The following PCBP3 variants were observed in gnomAD, a reference collection of about 807,000 sequenced individuals.
PCBP3 encodes the protein poly(rC) binding protein 3.
Under a neutral mutation model 52.7 loss-of-function variants are expected in PCBP3, and 25 were observed. The ratio of observed to expected loss-of-function variants is 0.47; its 90% CI spans 0.35 to 0.66. The LOEUF is 0.66. Among genes scored for constraint, PCBP3 ranks in the 30% least tolerant of loss-of-function variants. The pLI is 0.01. For synonymous variants in PCBP3, 162 were observed against 183.0 expected, an observed-to-expected ratio of 0.89 and a Z score of 0.93; for missense variants, 391 against 490.3, an observed-to-expected ratio of 0.80 and a Z score of 1.91.
intron 4 of PCBP3, among the ~76,000 whole-genome samples, chr21:45,796,199 A>T (rs1442316951): frequency 6.6e-6 from 1 of 152,194 alleles, no homozygotes; most frequent in Non-Finnish European, 1.5e-5. Flanking sequence ...AAGTCATCTG[A>T]TGAGCTCAGC....
At chr21:45,709,895 A>C (rs1181354511) in intron 2 of PCBP3, among the ~76,000 whole-genome samples, 1 of 152,074 alleles carries the variant, frequency 6.6e-6, no homozygotes, top group Non-Finnish European at 1.5e-5. Context: ...GATGACTTTG[A>C]CAATTTTGAG....
At chr21:45,938,845 TAGGTCTCCTC>T (rs909019860) in intron 16 of PCBP3, among the ~76,000 whole-genome samples, 1 of 152,164 alleles carries the variant, frequency 6.6e-6, no homozygotes, top group Non-Finnish European at 1.5e-5. Flanking sequence ...TGAGACACCA[TAGGTCTCCTC>T]AGGGACAAGG....
At chr21:45,869,942 T>C (rs370051950) in intron 5 of PCBP3, among the ~76,000 whole-genome samples, 8 of 152,258 alleles carry the variant, frequency 5.3e-5, no homozygotes, top group African/African-American at 1.9e-4. Context: ...CACACTGTGC[T>C]TAGCTTTTTA....
chr21:45,893,465 G>A (rs956686129), intron 5 of PCBP3, among the ~76,000 whole-genome samples: 10 of 143,114 alleles, frequency 7.0e-5, no homozygotes, highest in African/African-American at 2.7e-4. Context: ...TGAAATCCCC[G>A]TGGCCACAGC....
At chr21:45,850,745 C>G (rs1387367478) in intron 5 of PCBP3, among the ~76,000 whole-genome samples, 3 of 152,218 alleles carry the variant, frequency 2.0e-5, no homozygotes, top group South Asian at 2.1e-4. Flanking sequence ...ACTTTCTAAG[C>G]ATACAGAGAG....
chr21:45,654,012 T>C (rs964318822), intron 1 of PCBP3, among the ~76,000 whole-genome samples: 4 of 152,196 alleles, frequency 2.6e-5, no homozygotes, highest in Non-Finnish European at 5.9e-5. Flanking sequence ...ACTTGAACTC[T>C]ATGACCCCCC....
intron 4 of PCBP3, among the ~76,000 whole-genome samples, chr21:45,813,723 C>T (rs112276546): frequency 0.012 from 1,851 of 152,310 alleles, 58 homozygotes; most frequent in African/African-American, 0.042. Context: ...GTATTGCAAG[C>T]GTGAGCCACC....
chr21:45,879,833 G>A (rs185307480), intron 5 of PCBP3, among the ~76,000 whole-genome samples: 1 of 151,900 alleles, frequency 6.6e-6, no homozygotes, highest in African/African-American at 2.4e-5. Context: ...TAGCATGACA[G>A]CATCCATTAG....
intron 15 of PCBP3, among the ~76,000 whole-genome samples, chr21:45,932,112 C>T (rs913162989): frequency 3.3e-5 from 5 of 151,630 alleles, no homozygotes; most frequent in African/African-American, 1.2e-4. Flanking sequence ...AACACATTGG[C>T]CATGCTGTCC....
At chr21:45,909,072 C>T (rs1360875678) in intron 9 of PCBP3, among the ~76,000 whole-genome samples, 1 of 152,122 alleles carries the variant, frequency 6.6e-6, no homozygotes, top group African/African-American at 2.4e-5. Context: ...TGTCCACACC[C>T]CCTTCCCACC....
intron 4 of PCBP3, among the ~76,000 whole-genome samples, chr21:45,778,534 A>T (rs2090414690): frequency 6.6e-6 from 1 of 152,112 alleles, no homozygotes; most frequent in Non-Finnish European, 1.5e-5. Context: ...TAGGCAATGT[A>T]CATTTATGTT....
chr21:45,760,391 C>T (rs993622972), intron 4 of PCBP3: 2 of 152,186 alleles, frequency 1.3e-5, no homozygotes, highest in African/African-American at 4.8e-5. Context: ...AGGTTGTCTT[C>T]TATGGAAAGT....
At chr21:45,716,566 CTCT>C (rs1433186088) in intron 2 of PCBP3, among the ~76,000 whole-genome samples, 4 of 152,116 alleles carry the variant, frequency 2.6e-5, no homozygotes, top group Admixed American at 6.5e-5. Flanking sequence ...GATACCAGTC[CTCT>C]TCTTGTAAGG....
intron 2 of PCBP3, among the ~76,000 whole-genome samples, chr21:45,686,766 T>TAA (rs2147687468): frequency 6.6e-6 from 1 of 152,124 alleles, no homozygotes; most frequent in East Asian, 1.9e-4. Flanking sequence ...AATGAAAACT[T>TAA]TAATAAATGA....
At chr21:45,860,310 G>A (rs1221471034) in intron 5 of PCBP3, among the ~76,000 whole-genome samples, 2 of 152,208 alleles carry the variant, frequency 1.3e-5, no homozygotes, top group African/African-American at 4.8e-5. Flanking sequence ...TGTAGTAAAT[G>A]TGAAATTTTC....
intron 5 of PCBP3, among the ~76,000 whole-genome samples, chr21:45,857,990 C>A (rs939454242): frequency 3.3e-5 from 5 of 152,194 alleles, no homozygotes; most frequent in African/African-American, 4.8e-5. Flanking sequence ...AGGCCTCCCC[C>A]ATTCCCACAC....
rs73234759 is a variant in PCBP3 at position 45,841,209 on chromosome 21, C to T, written c.-125-8752C>T. Among the ~76,000 whole-genome samples, 726 of 152,298 alleles carry T rather than the reference C, an allele frequency of 4.8e-3. 2 individuals carry two copies. The highest frequency in any genetic ancestry group is 8.4e-3 in the Non-Finnish European group (568 of 68,018). On this transcript the variant is annotated intron_variant, in intron 4 of 17. Coordinates refer to ENST00000681687, the MANE Select transcript of PCBP3 (RefSeq NM_001384156.1). ...TCATTAACGCAGGACTGTGTGTCTC[C>T]CCACGCTCTTGGAAGATGCAGCAGG...
At chr21:45,887,920 C>T (rs1213992782) in intron 5 of PCBP3, among the ~76,000 whole-genome samples, 1 of 152,254 alleles carries the variant, frequency 6.6e-6, no homozygotes, top group East Asian at 1.9e-4. Flanking sequence ...ACGAGCCAGA[C>T]TCTGGAAGGT....
Position 45,940,108 on chromosome 21 carries a change from G to A in PCBP3, c.988G>A (p.Ala330Thr), listed in dbSNP as rs756779630. The A allele has an allele frequency of 3.3e-5, 54 of 1,614,006 alleles. No individual in the cohort carries two copies. Among genetic ancestry groups the A allele is most frequent in the East Asian group, 4.5e-5 (2 of 44,898 alleles). ...RQMSGAQIKIANATEGSSERQ... is the reference protein window; with the variant it reads ...RQMSGAQIKITNATEGSSERQ... ...GATGTCTGGAGCTCAGATCAAAATC[G>A]CCAACGCCACGGAAGGGTCCTCAGA... Residue 330 changes from alanine (A) to threonine (T), a missense_variant, in exon 17 of 18, where the codon GCC becomes ACC. Coordinates refer to ENST00000681687, the MANE Select transcript of PCBP3 (RefSeq NM_001384156.1).
Sources: allele counts gnomAD v4.1 joint callset (sites outside exome capture counted in the v4.1 genomes callset), GRCh38; gene constraint gnomAD v4.1.1; transcripts MANE v1.5; gene names NCBI Gene and HGNC (gene_info 2026-07-23, HGNC 2026-07-21).